The following TTC39B variants were observed in gnomAD, a reference collection of about 807,000 sequenced individuals.
TTC39B encodes the protein tetratricopeptide repeat domain 39B.
TTC39B carries 92 observed loss-of-function variants against 96.6 expected under a neutral mutation model. The ratio of observed to expected loss-of-function variants is 0.95; its 90% CI spans 0.80 to 1.13. The LOEUF (loss-of-function observed/expected upper bound fraction) is 1.13. Ranked by LOEUF, TTC39B falls within the 50% of genes most tolerant of loss-of-function variation. TTC39B has a pLI of 0.00. For missense variants in TTC39B, 955 were observed against 809.3 expected (o/e 1.18, Z -2.18); for synonymous variants, 367 against 299.4 (o/e 1.23, Z -2.33).
intron 14 of TTC39B, among the ~76,000 whole-genome samples, chr9:15,187,702 T>C (rs1818609533): frequency 6.6e-6 from 1 of 152,254 alleles, no homozygotes; most frequent in Non-Finnish European, 1.5e-5. Flanking sequence ...TCAAGCCATC[T>C]TCCTGCCTTA....
At position 15,306,278 on chromosome 9, in the gene TTC39B, A is replaced by T. The variant is rs1033748775; in HGVS notation, c.240+806T>A. On this transcript the variant is annotated intron_variant, in intron 1 of 19. Coordinates refer to ENST00000512701, the Ensembl canonical transcript of TTC39B. This position sits in a 1 kb window ranked among gnomAD's most constrained non-coding sequence, Gnocchi z 5.1. ...CTGTCTCTGGAGTTGCCAGGTGCTG[A>T]AATGAATAGTCAATAAATCAACAGG... Among the ~76,000 whole-genome samples the T allele has an allele frequency of 6.6e-6, 1 of 152,230 alleles. No homozygotes were observed. The highest frequency in any genetic ancestry group is 1.5e-5 in the Non-Finnish European group (1 of 68,044).
chr9:15,189,566 T>A lies in TTC39B; in HGVS notation c.1233+8A>T. The A allele has an allele frequency of 6.2e-7, 1 of 1,614,050 alleles. No individual in the cohort carries two copies. The highest frequency in any genetic ancestry group is 8.5e-7 in the Non-Finnish European group (1 of 1,179,990). On this transcript the variant is annotated splice_region_variant and intron_variant, in intron 13 of 19. Coordinates refer to ENST00000512701, the Ensembl canonical transcript of TTC39B. ...ACTCCCCCAAATAATTCCCACCTAA[T>A]AAATTACCTCTTCAAGATTCCCTTT...
At chr9:15,172,869 G>C (rs545305646) in intron 19 of TTC39B, among the ~76,000 whole-genome samples, 39 of 152,068 alleles carry the variant, frequency 2.6e-4, no homozygotes, top group Non-Finnish European at 4.0e-4. Context: ...TCTTGATGTG[G>C]GTTAGTAAAA....
At chr9:15,253,139 A>G (rs1822625081) in intron 2 of TTC39B, among the ~76,000 whole-genome samples, 1 of 152,210 alleles carries the variant, frequency 6.6e-6, no homozygotes, top group South Asian at 2.1e-4. Context: ...ATGGCACCCA[A>G]GGTTATCCAG....
chr9:15,192,356 G>C (rs1448028871), intron 9 of TTC39B, among the ~76,000 whole-genome samples: 3 of 152,130 alleles, frequency 2.0e-5, no homozygotes, highest in Non-Finnish European at 4.4e-5. Flanking sequence ...AACCTTACTA[G>C]TCTATTCAGA....
chr9:15,202,814 C>A (rs1004290836), intron 7 of TTC39B, among the ~76,000 whole-genome samples: 1 of 151,954 alleles, frequency 6.6e-6, no homozygotes, highest in Admixed American at 6.6e-5. Flanking sequence ...ACAATCTCTA[C>A]CCCACCTCAC....
chr9:15,283,178 AG>A (rs1445623193), intron 1 of TTC39B, among the ~76,000 whole-genome samples: 1 of 152,250 alleles, frequency 6.6e-6, no homozygotes, highest in Non-Finnish European at 1.5e-5. Flanking sequence ...GAATGAGTAC[AG>A]GAATACACTA....
At chr9:15,237,500 A>G (rs1202298574) in intron 2 of TTC39B, among the ~76,000 whole-genome samples, 5 of 152,288 alleles carry the variant, frequency 3.3e-5, no homozygotes, top group Middle Eastern at 3.4e-3. Flanking sequence ...ACTCCTATGA[A>G]CTCATTTATG....
At chr9:15,260,441 G>A (rs1489442016) in intron 2 of TTC39B, among the ~76,000 whole-genome samples, 1 of 149,420 alleles carries the variant, frequency 6.7e-6, no homozygotes, top group Non-Finnish European at 1.5e-5. Flanking sequence ...GGGGAAAATT[G>A]GGGCCAAAAA....
exon 16 of TTC39B, chr9:15,185,324 A>C (rs1818460582): frequency 2.5e-6 from 4 of 1,613,772 alleles, no homozygotes; most frequent in Non-Finnish European, 1.7e-6. Flanking sequence ...AAGGAGGCGG[A>C]GTAACGCCGA....
intron 19 of TTC39B, among the ~76,000 whole-genome samples, chr9:15,172,483 A>G (rs1033591926): frequency 6.6e-6 from 1 of 152,156 alleles, no homozygotes; most frequent in Non-Finnish European, 1.5e-5. Context: ...GCATATAAAC[A>G]TGGTTAGCAT....
intron 19 of TTC39B, 152 bp downstream of exon 19, chr9:15,174,867 T>C (rs1817844707): frequency 3.2e-6 from 2 of 628,310 alleles, no homozygotes; most frequent in African/African-American, 1.8e-5. Flanking sequence ...GCAAAAGCCA[T>C]GAGCATAAAT....
chr9:15,233,387 G>A lies in TTC39B; in HGVS notation c.276-7375C>T, dbSNP rs371189790. 1.3e-4 allele frequency among the ~76,000 whole-genome samples: 20 copies of A among 152,122 alleles called. No individual in the cohort carries two copies. In the South Asian group the frequency reaches 3.1e-3, roughly 24 times the overall value. On this transcript the variant is annotated intron_variant, in intron 2 of 19. Transcript: ENST00000512701. ...GGTCTCCCTCTCCCTCTCTTTCCAC[G>A]GTCTCCCTCTGATGCCGAGCCGAAG...
chr9:15,218,635 A>AAAAAAAATATATATATAT (rs374054306), intron 3 of TTC39B, among the ~76,000 whole-genome samples: 1 of 149,448 alleles, frequency 6.7e-6, no homozygotes, highest in Non-Finnish European at 1.5e-5. Flanking sequence ...GTCTATTTTA[A>AAAAAAAATATATATATAT]ATATATATAT....
chr9:15,302,028 A>C (rs1278266755), intron 1 of TTC39B, among the ~76,000 whole-genome samples: 2 of 152,216 alleles, frequency 1.3e-5, no homozygotes, highest in Non-Finnish European at 2.9e-5. Context: ...AATATTTTAA[A>C]AGTTAAGTGT....
chr9:15,192,786 A>T, intron 8 of TTC39B, 91 bp from the exon 9 acceptor site: 1 of 829,510 alleles, frequency 1.2e-6, no homozygotes, highest in Non-Finnish European at 1.9e-6. Flanking sequence ...GCTATAAAAT[A>T]AATGTCATTA....
chr9:15,257,387 T>C (rs1822788773), intron 2 of TTC39B, among the ~76,000 whole-genome samples: 1 of 152,190 alleles, frequency 6.6e-6, no homozygotes, highest in Non-Finnish European at 1.5e-5. Context: ...AGCTAAGTGA[T>C]TAGTATATAA....
At chr9:15,211,159 T>C (rs913567706) in intron 5 of TTC39B, 107 bp downstream of exon 5, 4 of 1,279,384 alleles carry the variant, frequency 3.1e-6, no homozygotes, top group Non-Finnish European at 4.1e-6. Context: ...TCTGTAACTG[T>C]GGCCAATTTC....
At chr9:15,228,465 AAAAAAT>A (rs35983044) in intron 2 of TTC39B, among the ~76,000 whole-genome samples, 9,814 of 152,166 alleles carry the variant, frequency 0.064, 1,057 homozygotes, top group African/African-American at 0.22. Flanking sequence ...ACTCCATCTC[AAAAAAT>A]AAAAACAGTA....
Sources: allele counts gnomAD v4.1 joint callset (sites outside exome capture counted in the v4.1 genomes callset), GRCh38; gene constraint gnomAD v4.1.1; non-coding constraint Gnocchi (gnomAD v3.1); transcripts MANE v1.5; gene names NCBI Gene and HGNC (gene_info 2026-07-23, HGNC 2026-07-21).